The following DDX46 variants were observed in gnomAD, a reference collection of about 807,000 sequenced individuals.
The protein encoded by DDX46 is probable ATP-dependent RNA helicase DDX46.
A neutral mutation model predicts 134.9 loss-of-function variants in DDX46; 30 were observed. The observed-to-expected ratio is 0.22, with a 90% CI of 0.17 to 0.30. The LOEUF (loss-of-function observed/expected upper bound fraction) is 0.30, where lower values mean the gene tolerates loss of function less well. Ranked by LOEUF, DDX46 falls within the 10% of genes least tolerant of loss-of-function variation. The pLI is 1.00. For missense variants in DDX46, 622 were observed against 1,248.7 expected (o/e 0.50, Z 7.56); for synonymous variants, 415 against 404.1 (o/e 1.03, Z -0.32).
At chr5:134,785,848 T>G (rs991129905) in intron 11 of DDX46, among the ~76,000 whole-genome samples, 10 of 138,414 alleles carry the variant, frequency 7.2e-5, no homozygotes, top group Non-Finnish European at 1.3e-4. Flanking sequence ...TCACATCATG[T>G]TTTTTTTTTT....
chr5:134,818,831 A>AT, intron 20 of DDX46, 29 bp from the exon 21 acceptor site: 1 of 1,596,626 alleles, frequency 6.3e-7, no homozygotes, highest in East Asian at 2.2e-5. Flanking sequence ...TTATGAAGTG[A>AT]TTTTTCTTTT....
Position 134,829,710 on chromosome 5 carries a change from G to C in DDX46, c.*1004G>C, listed in dbSNP as rs1755683624. ...CGCAGTGACTCACACCTGTATCCCAGCAATTTGGGAGGCCGAGGTGGGCAG... is the reference window on the plus strand; with the variant it reads ...CGCAGTGACTCACACCTGTATCCCACCAATTTGGGAGGCCGAGGTGGGCAG... On this transcript the variant is annotated 3_prime_UTR_variant, in exon 23 of 23. Coordinates refer to ENST00000452510, the MANE Select transcript of DDX46 (RefSeq NM_001300860.2). The C allele has an allele frequency of 6.6e-6, 1 of 152,086 alleles. No homozygotes were observed. Among genetic ancestry groups the C allele is most frequent in the Admixed American group, 6.6e-5 (1 of 15,246 alleles). The allele number at this position is 152,086 out of a possible 1,614,324, so 9.4% of individuals were successfully genotyped here.
intron 1 of DDX46, among the ~76,000 whole-genome samples, chr5:134,762,888 C>G (rs1334978569): frequency 6.6e-6 from 1 of 152,104 alleles, no homozygotes; most frequent in Non-Finnish European, 1.5e-5. Context: ...AACCCCATCT[C>G]TTCTAAAAAT....
At chr5:134,815,066 G>A (rs775257563) in intron 18 of DDX46, among the ~76,000 whole-genome samples, 25 of 152,296 alleles carry the variant, frequency 1.6e-4, no homozygotes, top group Non-Finnish European at 3.4e-4. Flanking sequence ...AGACAACACA[G>A]TGAGACCCCA....
At chr5:134,773,293 CT>C (rs1753830548) in intron 4 of DDX46, among the ~76,000 whole-genome samples, 1 of 152,064 alleles carries the variant, frequency 6.6e-6, no homozygotes, top group Non-Finnish European at 1.5e-5. Context: ...TAGAAAATTG[CT>C]TTTCATAGAG....
intron 15 of DDX46, 125 bp from the exon 16 acceptor site, chr5:134,807,623 C>G (rs543215224): frequency 1.7e-5 from 14 of 804,558 alleles, no homozygotes; most frequent in Non-Finnish European, 2.5e-5. Context: ...TTTTCTTAGT[C>G]TTTTATTTTC....
At chr5:134,761,868 A>G (rs576010661) in intron 1 of DDX46, among the ~76,000 whole-genome samples, 8 of 152,250 alleles carry the variant, frequency 5.3e-5, no homozygotes, top group East Asian at 1.9e-4. Flanking sequence ...GATGATTGCT[A>G]TAGTGCTGGT....
intron 10 of DDX46, among the ~76,000 whole-genome samples, chr5:134,785,120 G>A (rs1426321008): frequency 6.6e-6 from 1 of 152,196 alleles, no homozygotes; most frequent in Admixed American, 6.5e-5. Context: ...TCTGGAAGCA[G>A]CAGTATGGCT....
chr5:134,816,392 T>C (rs752895664), intron 18 of DDX46, 38 bp from the exon 19 acceptor site: 21 of 1,537,514 alleles, frequency 1.4e-5, no homozygotes, highest in Non-Finnish European at 1.7e-5. Flanking sequence ...TATTTCTAAT[T>C]CAGTTTTTTA....
At chr5:134,774,500 C>T (rs1464770032) in intron 5 of DDX46, among the ~76,000 whole-genome samples, 1 of 152,086 alleles carries the variant, frequency 6.6e-6, no homozygotes, top group Non-Finnish European at 1.5e-5. Context: ...ATTGTAAAAG[C>T]TCCTTTTAAT....
chr5:134,795,473 T>TA (rs1352848410), intron 14 of DDX46, among the ~76,000 whole-genome samples: 2 of 152,140 alleles, frequency 1.3e-5, no homozygotes, highest in African/African-American at 4.8e-5. Context: ...ACCCTAGGCA[T>TA]AGTGAGCCCT....
chr5:134,810,073 G>A (rs1047505119), intron 16 of DDX46, among the ~76,000 whole-genome samples: 3 of 151,812 alleles, frequency 2.0e-5, no homozygotes, highest in Non-Finnish European at 2.9e-5. Flanking sequence ...TGTTTTTTTG[G>A]TTTTGTTTTT....
chr5:134,828,273 A>T (rs1343309001), intron 22 of DDX46, among the ~76,000 whole-genome samples: 3 of 152,146 alleles, frequency 2.0e-5, no homozygotes, highest in African/African-American at 7.2e-5. Context: ...GGTGGTTAGA[A>T]GTTTAATGAA....
intron 2 of DDX46, among the ~76,000 whole-genome samples, chr5:134,765,817 A>G (rs1022612670): frequency 2.0e-5 from 3 of 152,210 alleles, no homozygotes; most frequent in Non-Finnish European, 4.4e-5. Flanking sequence ...GATTCAGGGA[A>G]AATATTCACC....
At chr5:134,786,183 G>A (rs1754328148) in intron 11 of DDX46, among the ~76,000 whole-genome samples, 1 of 151,944 alleles carries the variant, frequency 6.6e-6, no homozygotes, top group South Asian at 2.1e-4. Context: ...AGAAAATATT[G>A]GTAACTATAT....
At chr5:134,774,387 T>A (rs1753868967) in intron 5 of DDX46, among the ~76,000 whole-genome samples, 1 of 152,222 alleles carries the variant, frequency 6.6e-6, no homozygotes, top group African/African-American at 2.4e-5. Flanking sequence ...GTTTCCACCC[T>A]TTTGTTATCG....
chr5:134,822,356 A>ATTCCT (rs1755479597), intron 21 of DDX46, among the ~76,000 whole-genome samples: 1 of 151,832 alleles, frequency 6.6e-6, no homozygotes, highest in Non-Finnish European at 1.5e-5. Flanking sequence ...TCTAAGAGAC[A>ATTCCT]GGGTCTTGAT....
At chr5:134,811,567 A>G (rs1299512503) in intron 17 of DDX46, 129 bp from the exon 18 acceptor site, 14 of 1,158,720 alleles carry the variant, frequency 1.2e-5, no homozygotes, top group South Asian at 1.7e-5. Flanking sequence ...CTCTTAGTTT[A>G]TCTTACATGC....
chr5:134,779,314 C>T (rs576122132), intron 6 of DDX46, among the ~76,000 whole-genome samples: 334 of 151,222 alleles, frequency 2.2e-3, no homozygotes, highest in Non-Finnish European at 3.3e-3. Context: ...CTACCTCAGC[C>T]TCCCGAGTAG....
Sources: allele counts gnomAD v4.1 joint callset (sites outside exome capture counted in the v4.1 genomes callset), GRCh38; gene constraint gnomAD v4.1.1; transcripts MANE v1.5; gene names NCBI Gene and HGNC (gene_info 2026-07-23, HGNC 2026-07-21).